COL4A2: variants seen among roughly 807,000 people sequenced by gnomAD.
COL4A2 encodes the protein collagen alpha-2(IV) chain.
Under a neutral mutation model 200.2 loss-of-function variants are expected in COL4A2, and 99 were observed. The ratio of observed to expected loss-of-function variants is 0.49; its 90% CI spans 0.42 to 0.58. The LOEUF is 0.58. Ranked by LOEUF, COL4A2 falls within the 20% of genes least tolerant of loss-of-function variation. The pLI, the probability that COL4A2 is intolerant of heterozygous loss-of-function variation, is 0.00. For synonymous variants in COL4A2, 897 were observed against 900.6 expected (o/e 1.00, Z 0.07); for missense variants, 1,950 against 2,314.1 (o/e 0.84, Z 3.23).
chr13:110,503,691 C>T (rs896329446), intron 43 of COL4A2, among the ~76,000 whole-genome samples, 156 bp from the exon 44 acceptor site: 24 of 152,180 alleles, frequency 1.6e-4, no homozygotes, highest in African/African-American at 4.8e-4. Flanking sequence ...CGCTGAGTCA[C>T]GGCTCAGGCC....
chr13:110,501,570 G>A lies in COL4A2; in HGVS notation c.3761-98G>A. The A allele has an allele frequency of 2.7e-6, 3 of 1,093,322 alleles. No homozygotes were observed. The South Asian group carries it at 3.8e-5, about 14-fold the overall frequency. 67.7% of individuals were successfully genotyped at this position (1,093,322 alleles called of 1,614,324 possible). A position where few individuals can be genotyped will look rare whatever the true frequency, so the allele number is the denominator to read the frequency against. On this transcript the variant is annotated intron_variant, in intron 40 of 47. Transcript: ENST00000360467. ...CTCCCATCACTGTCTCGCTCGCTAG[G>A]CTCTGGTCCACCACAGGTGATGGTG...
At position 110,342,069 on chromosome 13, in the gene COL4A2, AC is replaced by A. The variant is rs556153761; in HGVS notation, c.100-15400del. Among the ~76,000 whole-genome samples, 726 of 152,256 alleles carry A rather than the reference AC, an allele frequency of 4.8e-3. 2 individuals are homozygous for A. Among genetic ancestry groups the A allele is most frequent in the Non-Finnish European group, 7.8e-3 (532 of 68,010 alleles). On this transcript the variant is annotated intron_variant, in intron 3 of 47. Coordinates refer to ENST00000360467, the MANE Select transcript of COL4A2 (RefSeq NM_001846.4). ...GGGATCTTGGCCTGGATCCCAAGTG[AC>A]CCTGGCTCATTGGTTGACCTCGGGT...
chr13:110,383,617 T>C (rs1449586945), intron 4 of COL4A2, among the ~76,000 whole-genome samples: 1 of 140,276 alleles, frequency 7.1e-6, no homozygotes, highest in African/African-American at 2.7e-5. Flanking sequence ...TTTTTTTTTT[T>C]TTTTTTTTTT....
chr13:110,403,127 G>T (rs1049067267), intron 4 of COL4A2, among the ~76,000 whole-genome samples: 1 of 152,124 alleles, frequency 6.6e-6, no homozygotes, highest in African/African-American at 2.4e-5. Context: ...GCAGCATCTG[G>T]CTTCCCTCTA....
At chr13:110,433,235 G>C (rs542637290) in intron 11 of COL4A2, among the ~76,000 whole-genome samples, 3 of 152,228 alleles carry the variant, frequency 2.0e-5, no homozygotes, top group African/African-American at 7.2e-5. Context: ...ACGCCCCACC[G>C]CCTGGCAGCC....
At chr13:110,341,998 G>A (rs1330844928) in intron 3 of COL4A2, among the ~76,000 whole-genome samples, 2 of 152,146 alleles carry the variant, frequency 1.3e-5, no homozygotes, top group Non-Finnish European at 2.9e-5. Flanking sequence ...GCTTAGACAG[G>A]ACTCACGAAT....
chr13:110,375,336 A>G (rs111666464), intron 4 of COL4A2, among the ~76,000 whole-genome samples: 30 of 152,222 alleles, frequency 2.0e-4, no homozygotes, highest in Non-Finnish European at 3.5e-4. Flanking sequence ...TGCCTGTCAC[A>G]GTGCAGAGGC....
At position 110,477,682 on chromosome 13, in the gene COL4A2, C is replaced by A. The variant is rs181996662; in HGVS notation, c.2426-321C>A. On this transcript the variant is annotated intron_variant, in intron 29 of 47. Coordinates refer to ENST00000360467, the MANE Select transcript of COL4A2 (RefSeq NM_001846.4). ...TTGCAAAGACTATTTTTAAATGTGG[C>A]AAAATGTTCAAAATATAATGTCAAG... Among the ~76,000 whole-genome samples the A allele has an allele frequency of 5.3e-5, 8 of 152,226 alleles. No homozygotes were observed. In the East Asian group the frequency reaches 1.5e-3, roughly 29 times the overall value.
At chr13:110,384,665 C>T (rs1878614609) in intron 4 of COL4A2, among the ~76,000 whole-genome samples, 1 of 152,236 alleles carries the variant, frequency 6.6e-6, no homozygotes, top group Admixed American at 6.5e-5. Flanking sequence ...CCCAATGTCA[C>T]CTTCTGGGGG....
At chr13:110,474,799 TCA>T (rs1413535895) in intron 29 of COL4A2, among the ~76,000 whole-genome samples, 13 of 139,628 alleles carry the variant, frequency 9.3e-5, no homozygotes, top group African/African-American at 3.6e-4. Context: ...CTGTGTACAC[TCA>T]CACATGATCA....
intron 45 of COL4A2, among the ~76,000 whole-genome samples, chr13:110,504,942 A>T (rs1250917391): frequency 6.6e-6 from 1 of 152,102 alleles, no homozygotes; most frequent in Non-Finnish European, 1.5e-5. Flanking sequence ...ACATATACAG[A>T]ATGAAATAGG....
intron 4 of COL4A2, among the ~76,000 whole-genome samples, chr13:110,419,215 C>T (rs529233724): frequency 1.6e-4 from 24 of 152,246 alleles, no homozygotes; most frequent in Admixed American, 3.9e-4. Flanking sequence ...AGGAAGAGTC[C>T]GCTTAGGAAG....
At position 110,438,309 on chromosome 13, in the gene COL4A2, A is replaced by G. The variant is rs7983126; in HGVS notation, c.861+272A>G. 0.36 allele frequency among the ~76,000 whole-genome samples: 55,341 copies of G among 152,174 alleles called. 11,015 individuals carry two copies. The highest frequency in any genetic ancestry group is 0.53 in the African/African-American group (22,200 of 41,522). ...GAGATGGCGGAGGGGCGTGGCTTCC[A>G]CTCAGGCGCCACCGGGTTCTGCCCT... On this transcript the variant is annotated intron_variant, in intron 14 of 47. Coordinates refer to ENST00000360467, the MANE Select transcript of COL4A2 (RefSeq NM_001846.4).
chr13:110,360,316 T>C (rs1373589391), intron 4 of COL4A2, among the ~76,000 whole-genome samples: 4 of 152,246 alleles, frequency 2.6e-5, no homozygotes, highest in African/African-American at 4.8e-5. Flanking sequence ...TCTTTTCACT[T>C]TCTATGATTA....
At chr13:110,375,389 A>C (rs1195764261) in intron 4 of COL4A2, among the ~76,000 whole-genome samples, 2 of 152,232 alleles carry the variant, frequency 1.3e-5, no homozygotes, top group African/African-American at 4.8e-5. Flanking sequence ...TTTCTGTGGA[A>C]CTTCCGCAAC....
chr13:110,508,125 C>A lies in COL4A2; in HGVS notation c.4785C>A (p.Ala1595=). The change falls in exon 47 of 48, where the codon GCC becomes GCA. Residue 1595 remains alanine (A), a synonymous_variant. Transcript: ENST00000360467. The surrounding 1 kb of genome is among the most constrained non-coding windows in gnomAD (Gnocchi z 6.1). ...TCAGCCGCTGTTCTGTGTGTGAGGC[C>A]CCGGCCATCGCCATCGCGGTCCACA... is the stretch of plus-strand genomic sequence containing the variant. ...PYISRCSVCE[A]PAIAIAVHSQ... is the part of the protein sequence containing the mutation. 1.9e-6 allele frequency: 3 copies of A among 1,614,252 alleles called. No homozygotes were observed. The highest frequency in any genetic ancestry group is 2.5e-6 in the Non-Finnish European group (3 of 1,180,048).
chr13:110,312,101 C>T (rs1885001170), intron 3 of COL4A2, among the ~76,000 whole-genome samples: 1 of 152,216 alleles, frequency 6.6e-6, no homozygotes, highest in African/African-American at 2.4e-5. Context: ...AGCGCTATTG[C>T]TCAAAACATG....
chr13:110,408,587 G>C (rs959484741), intron 4 of COL4A2, among the ~76,000 whole-genome samples: 1 of 152,176 alleles, frequency 6.6e-6, no homozygotes, highest in Non-Finnish European at 1.5e-5. Context: ...TCTGGCCATC[G>C]TCGGGGTCAT....
chr13:110,477,666 CTA>C (rs774089009), intron 29 of COL4A2, among the ~76,000 whole-genome samples: 1 of 152,156 alleles, frequency 6.6e-6, no homozygotes, highest in Non-Finnish European at 1.5e-5. Flanking sequence ...TTTGCAAAGA[CTA>C]TTTTTAAATG....
Sources: gnomAD v4.1 joint callset for allele counts (sites outside exome capture counted in the v4.1 genomes callset) on GRCh38, gnomAD v4.1.1 for gene constraint, Gnocchi (gnomAD v3.1) non-coding constraint, MANE v1.5 for transcripts, NCBI Gene and HGNC (gene_info 2026-07-23, HGNC 2026-07-21) for gene names.